Variants in PPP1R3A observed in about 807,000 individuals in gnomAD.
The protein encoded by PPP1R3A is protein phosphatase 1 regulatory subunit 3A.
PPP1R3A carries 29 observed loss-of-function variants against 41.7 expected under a neutral mutation model. The observed-to-expected ratio is 0.70, with a 90% confidence interval of 0.52 to 0.95. The LOEUF (loss-of-function observed/expected upper bound fraction) is 0.95, where lower values mean the gene tolerates loss of function less well. Among genes scored for constraint, PPP1R3A ranks in the 40% least tolerant of loss-of-function variants. The probability of loss-of-function intolerance (pLI) is 0.00; values close to 1 mark genes in which losing one functional copy is unlikely to be tolerated. For missense variants in PPP1R3A, 1,352 were observed against 1,292.4 expected (o/e 1.05, Z -0.71); for synonymous variants, 485 against 453.4 (o/e 1.07, Z -0.89).
At position 113,918,892 on chromosome 7, in the gene PPP1R3A, A is replaced by G. The variant is rs1015169432; in HGVS notation, c.105T>C (p.Pro35=). ...GTCTACTTGGTTGAGGGGAGAAACC[A>G]GGTTGGAAAGTAACTTCTTCATCTT... ...LCEDEEVTFQ[P]GFSPQPSRRG... is the part of the protein sequence containing the mutation. The change falls in exon 1 of 4, where the codon CCT becomes CCC. Residue 35 remains proline, a synonymous_variant. Transcript: ENST00000284601. The G allele has an allele frequency of 3.1e-6, 5 of 1,613,404 alleles. No homozygotes were observed. The highest frequency in any genetic ancestry group is 3.3e-5 in the Admixed American group (2 of 59,938).
At chr7:113,899,635 T>C (rs994857518) in intron 1 of PPP1R3A, among the ~76,000 whole-genome samples, 30 of 151,846 alleles carry the variant, frequency 2.0e-4, no homozygotes, top group African/African-American at 6.8e-4. Context: ...AGTATTTATG[T>C]CCTTTGTTTA....
rs1477347586 is a variant in PPP1R3A, at chr7:113,878,836, A to G, written c.2256T>C (p.Ile752=). Residue 752 remains isoleucine (I), a synonymous_variant, in exon 4 of 4, where the codon ATT becomes ATC. Coordinates refer to ENST00000284601, the MANE Select transcript of PPP1R3A (RefSeq NM_002711.4). The part of the protein sequence containing the change: ...ESMSAREKAI[I]AKLPQETARS... ...GTGCTGTCTCTTGAGGTAGCTTAGC[A>G]ATTATTGCTTTTTCTCTAGCAGACA... The G allele has an allele frequency of 6.2e-7, 1 of 1,613,344 alleles. No homozygotes were observed. The highest frequency in any genetic ancestry group is 8.5e-7 in the Non-Finnish European group (1 of 1,179,748).
At chr7:113,898,730 T>C (rs1797015345) in intron 1 of PPP1R3A, among the ~76,000 whole-genome samples, 1 of 151,790 alleles carries the variant, frequency 6.6e-6, no homozygotes, top group South Asian at 2.1e-4. Flanking sequence ...ATTTCTAGGA[T>C]GACCCTAGCC....
chr7:113,904,561 G>C (rs965264907), intron 1 of PPP1R3A, among the ~76,000 whole-genome samples: 5 of 151,562 alleles, frequency 3.3e-5, no homozygotes, highest in Admixed American at 1.3e-4. Context: ...ATTCTTACCT[G>C]GTTTTGTAGC....
chr7:113,888,554 T>C (rs559830044), intron 1 of PPP1R3A, among the ~76,000 whole-genome samples: 1 of 152,228 alleles, frequency 6.6e-6, no homozygotes, highest in Admixed American at 6.5e-5. Context: ...GCAAAGACAG[T>C]TAACTGAGGG....
chr7:113,887,146 G>A (rs73435646), intron 1 of PPP1R3A, among the ~76,000 whole-genome samples: 4,472 of 151,722 alleles, frequency 0.029, 222 homozygotes, highest in African/African-American at 0.1. Context: ...GTATATTTTT[G>A]TTTATCTTCT....
intron 1 of PPP1R3A, among the ~76,000 whole-genome samples, chr7:113,900,431 C>A (rs191117755): frequency 6.6e-6 from 1 of 151,490 alleles, no homozygotes; most frequent in East Asian, 2.0e-4. Context: ...ATAAAAATAC[C>A]ATAACCATAT....
In PPP1R3A at chr7:113,877,757, T is replaced by A. The variant is rs1053491581; in HGVS notation, c.3335A>T (p.Glu1112Val). Reference protein sequence around the residue: ...VLSLSWLSWEEGRQKESVKKK With the variant: ...VLSLSWLSWEVGRQKESVKKK ...TTTGACAGACTCTTTTTGTCTACCC[T>A]CTTCCCAGGATAGCCAGGACAATGA... The change falls in exon 4 of 4, where the codon GAG becomes GTG. Residue 1112 changes from glutamate (E) to valine (V), a missense_variant. Glu to Val is a moderately radical substitution (Grantham distance 121). Coordinates refer to ENST00000284601, the MANE Select transcript of PPP1R3A (RefSeq NM_002711.4). The A allele has an allele frequency of 6.3e-7, 1 of 1,582,178 alleles. No homozygotes were observed. The highest frequency in any genetic ancestry group is 8.6e-7 in the Non-Finnish European group (1 of 1,165,142).
rs114616572 is a variant in PPP1R3A, at chr7:113,901,248, G to A, written c.782+16967C>T. On this transcript the variant is annotated intron_variant, in intron 1 of 3. Transcript: ENST00000284601. The stretch of plus-strand genomic sequence containing the variant: ...AGAGGGTATAGGAGCCCCAAGGAGC[G>A]TTAAAACCCAATGAAAATAGACGGC... Among the ~76,000 whole-genome samples, 497 of 151,716 alleles carry A rather than the reference G, an allele frequency of 3.3e-3. 5 individuals carry two copies. Among genetic ancestry groups the A allele is most frequent in the African/African-American group, 0.011 (452 of 41,460 alleles).
intron 1 of PPP1R3A, among the ~76,000 whole-genome samples, chr7:113,883,336 T>C (rs1796726094): frequency 1.3e-5 from 2 of 152,028 alleles, no homozygotes; most frequent in Non-Finnish European, 2.9e-5. Context: ...AACAAGAGTC[T>C]AGACTTCATT....
chr7:113,915,059 T>C (rs1797315984), intron 1 of PPP1R3A, among the ~76,000 whole-genome samples: 2 of 152,128 alleles, frequency 1.3e-5, no homozygotes, highest in African/African-American at 4.8e-5. Context: ...TATCTCATGA[T>C]GCATGCCTTT....
chr7:113,901,086 G>A (rs1797053348), intron 1 of PPP1R3A, among the ~76,000 whole-genome samples: 1 of 151,630 alleles, frequency 6.6e-6, no homozygotes, highest in South Asian at 2.1e-4. Context: ...TGGACAGCAA[G>A]AAGGCAGCTA....
intron 1 of PPP1R3A, among the ~76,000 whole-genome samples, chr7:113,904,887 A>G (rs1164371237): frequency 6.6e-6 from 1 of 151,674 alleles, no homozygotes; most frequent in Non-Finnish European, 1.5e-5. Flanking sequence ...TGGGACCCAT[A>G]TTTGTATATT....
At chr7:113,891,084 CAAAAAAAAAAAAAAAAAA>C (rs11342726) in intron 1 of PPP1R3A, among the ~76,000 whole-genome samples, 2 of 79,788 alleles carry the variant, frequency 2.5e-5, no homozygotes, top group African/African-American at 1.0e-4. Flanking sequence ...GGAAAAAAAG[CAAAAAAAAAAAAAAAAAA>C]AAAAAAAAAA....
At chr7:113,915,830 C>T (rs913752077) in intron 1 of PPP1R3A, among the ~76,000 whole-genome samples, 3 of 151,648 alleles carry the variant, frequency 2.0e-5, no homozygotes, top group Admixed American at 1.3e-4. Flanking sequence ...AAAATAACAC[C>T]GATAAGGTGT....
At chr7:113,882,446 A>G (rs1796710410) in intron 1 of PPP1R3A, 126 bp from the exon 2 acceptor site, 2 of 616,674 alleles carry the variant, frequency 3.2e-6, no homozygotes, top group Admixed American at 2.8e-5. Context: ...TTATTTTCCT[A>G]TATTACTTGG....
chr7:113,883,423 A>T (rs1796728029), intron 1 of PPP1R3A, among the ~76,000 whole-genome samples: 1 of 152,056 alleles, frequency 6.6e-6, no homozygotes, highest in Non-Finnish European at 1.5e-5. Context: ...AAATTCTTCC[A>T]TCCTGACCAT....
intron 1 of PPP1R3A, among the ~76,000 whole-genome samples, chr7:113,908,157 T>G (rs1209055448): frequency 6.6e-6 from 1 of 151,916 alleles, no homozygotes; most frequent in African/African-American, 2.4e-5. Flanking sequence ...GTTCACATAA[T>G]TGCCAATGTC....
At chr7:113,906,939 A>G (rs1797158531) in intron 1 of PPP1R3A, among the ~76,000 whole-genome samples, 1 of 151,786 alleles carries the variant, frequency 6.6e-6, no homozygotes, top group African/African-American at 2.4e-5. Flanking sequence ...TAAATTAGAG[A>G]CATTAGGAAA....
Sources: allele counts gnomAD v4.1 joint callset (sites outside exome capture counted in the v4.1 genomes callset), GRCh38; gene constraint gnomAD v4.1.1; transcripts MANE v1.5; gene names NCBI Gene and HGNC (gene_info 2026-07-23, HGNC 2026-07-21).